Variants in FBXO4 observed in about 807,000 individuals in gnomAD.
FBXO4 encodes the protein F-box only protein 4.
In FBXO4, 36 loss-of-function variants were observed where a neutral mutation model predicts 43.7. The observed-to-expected ratio is 0.82, with a 90% CI of 0.63 to 1.09. The LOEUF (loss-of-function observed/expected upper bound fraction) is 1.09, where lower values mean the gene tolerates loss of function less well. FBXO4 is among the 50% of genes least tolerant of loss of function. The pLI, the probability that FBXO4 is intolerant of heterozygous loss-of-function variation, is 0.00. For missense variants in FBXO4, 435 were observed against 474.1 expected, an observed-to-expected ratio of 0.92 and a Z score of 0.77; for synonymous variants, 180 against 165.6, an observed-to-expected ratio of 1.09 and a Z score of -0.67.
the FBXO4 span, among the ~76,000 whole-genome samples, chr5:41,971,637 A>T: frequency 1.3e-5 from 2 of 151,916 alleles, no homozygotes; most frequent in Non-Finnish European, 2.9e-5. Context: ...TTCTTTCCTG[A>T]TTATGTGCAT....
At chr5:41,953,871 G>A in the FBXO4 span, among the ~76,000 whole-genome samples, 1 of 151,954 alleles carries the variant, frequency 6.6e-6, no homozygotes, top group East Asian at 1.9e-4. Context: ...AAATTTGTTG[G>A]AGTTCATTGT....
chr5:42,030,696 G>T, the FBXO4 span, among the ~76,000 whole-genome samples: 2 of 151,422 alleles, frequency 1.3e-5, no homozygotes. Flanking sequence ...GAAAATTTTC[G>T]CAACCTACTC....
the FBXO4 span, among the ~76,000 whole-genome samples, chr5:41,984,609 C>T: frequency 6.6e-5 from 10 of 152,304 alleles, no homozygotes; most frequent in Admixed American, 4.6e-4. Flanking sequence ...CCCTTGTTTT[C>T]TCTGCTCTAC....
At chr5:41,936,095 T>C (rs1751841838) in intron 5 of FBXO4, among the ~76,000 whole-genome samples, 1 of 152,248 alleles carries the variant, frequency 6.6e-6, no homozygotes, top group Non-Finnish European at 1.5e-5. Flanking sequence ...CCTCAGTCTT[T>C]ATTGCTCTTC....
At chr5:41,970,947 T>C in the FBXO4 span, among the ~76,000 whole-genome samples, 1 of 151,896 alleles carries the variant, frequency 6.6e-6, no homozygotes, top group African/African-American at 2.4e-5. Context: ...AAGTTAGTAT[T>C]ATGAAAAAGA....
the FBXO4 span, among the ~76,000 whole-genome samples, chr5:41,991,870 G>A: frequency 6.6e-6 from 1 of 152,144 alleles, no homozygotes; most frequent in Admixed American, 6.5e-5. Context: ...CCCCAGGTCG[G>A]GATTTCGAGA....
chr5:41,954,940 G>C, the FBXO4 span, among the ~76,000 whole-genome samples: 330 of 152,272 alleles, frequency 2.2e-3, no homozygotes, highest in African/African-American at 7.6e-3. Flanking sequence ...TTGGTACTTA[G>C]AAAAACTATA....
the FBXO4 span, among the ~76,000 whole-genome samples, chr5:41,960,914 A>AT: frequency 2.6e-5 from 4 of 152,054 alleles, no homozygotes; most frequent in Middle Eastern, 3.2e-3. Context: ...TGGAGTTCAT[A>AT]TATCTTCATT....
chr5:42,023,730 T>A, the FBXO4 span, among the ~76,000 whole-genome samples: 2 of 151,832 alleles, frequency 1.3e-5, no homozygotes, highest in South Asian at 4.1e-4. Flanking sequence ...TGAACCCCCA[T>A]CTGCTTGTAT....
Position 41,939,636 on chromosome 5 carries a change from A to G in FBXO4, c.1074+20A>G. ...TGGCTGGTAAGATCATTTATACTCT[A>G]GTGACAAAAATTTTATTTTGCACTC... On this transcript the variant is annotated intron_variant, in intron 6 of 6. Transcript: ENST00000281623. 3 of 1,552,774 alleles carry G rather than the reference A, an allele frequency of 1.9e-6. No individual in the cohort carries two copies. The highest frequency in any genetic ancestry group is 2.6e-6 in the Non-Finnish European group (3 of 1,149,718).
At chr5:42,021,165 T>C in the FBXO4 span, among the ~76,000 whole-genome samples, 2 of 152,114 alleles carry the variant, frequency 1.3e-5, no homozygotes, top group Non-Finnish European at 2.9e-5. Context: ...CTGGCTGCTA[T>C]ATAGAAAATA....
chr5:42,029,054 ATTTC>A, the FBXO4 span, among the ~76,000 whole-genome samples: 2 of 151,966 alleles, frequency 1.3e-5, no homozygotes, highest in South Asian at 4.2e-4. Context: ...ATCTTCAGAT[ATTTC>A]TTTTTGCTCA....
chr5:41,972,327 AG>A, the FBXO4 span, among the ~76,000 whole-genome samples: 1 of 152,178 alleles, frequency 6.6e-6, no homozygotes, highest in Non-Finnish European at 1.5e-5. Context: ...AGCCAAATCA[AG>A]AACATAATGC....
intron 5 of FBXO4, chr5:41,934,702 T>C: frequency 9.4e-7 from 1 of 1,059,954 alleles, no homozygotes; most frequent in Non-Finnish European, 1.1e-6. Context: ...TCTGGCTTTA[T>C]TCAAATAATC....
chr5:42,034,581 T>C, the FBXO4 span, among the ~76,000 whole-genome samples: 5 of 152,192 alleles, frequency 3.3e-5, no homozygotes, highest in African/African-American at 1.2e-4. Context: ...TTTCTGCATA[T>C]GGCTAGATTG....
chr5:41,967,539 C>G, the FBXO4 span: 1 of 973,522 alleles, frequency 1.0e-6, no homozygotes, highest in Non-Finnish European at 1.6e-6. Context: ...CGTTCATGCA[C>G]CCCATCTGTG....
At chr5:42,011,860 T>C in the FBXO4 span, among the ~76,000 whole-genome samples, 3 of 152,230 alleles carry the variant, frequency 2.0e-5, no homozygotes, top group Non-Finnish European at 4.4e-5. Context: ...TTCCTTGTTT[T>C]GGGAAGGATT....
chr5:41,991,300 A>T, the FBXO4 span, among the ~76,000 whole-genome samples: 1 of 152,212 alleles, frequency 6.6e-6, no homozygotes, highest in Non-Finnish European at 1.5e-5. Context: ...GTGGCAGTTT[A>T]TTATCCAATT....
the FBXO4 span, among the ~76,000 whole-genome samples, chr5:42,026,489 G>T: frequency 6.6e-6 from 1 of 151,790 alleles, no homozygotes; most frequent in Non-Finnish European, 1.5e-5. Flanking sequence ...ACAAATAGAA[G>T]ATTATATCAT....
Sources: allele counts gnomAD v4.1 joint callset (sites outside exome capture counted in the v4.1 genomes callset), GRCh38; gene constraint gnomAD v4.1.1; transcripts MANE v1.5; gene names NCBI Gene and HGNC (gene_info 2026-07-23, HGNC 2026-07-21).